The following LRMDA variants were observed in gnomAD, a reference collection of about 807,000 sequenced individuals.
The protein encoded by LRMDA is leucine-rich melanocyte differentiation-associated protein.
In LRMDA, 18 loss-of-function variants were observed where a neutral mutation model predicts 29.8. The observed-to-expected ratio is 0.60, with a 90% CI of 0.42 to 0.90. The LOEUF is 0.90. LRMDA is among the 40% of genes least tolerant of loss of function. The pLI, the probability that LRMDA is intolerant of heterozygous loss-of-function variation, is 0.00. For missense variants in LRMDA, 273 were observed against 273.9 expected (o/e 1.00, Z 0.02); for synonymous variants, 125 against 109.4 (o/e 1.14, Z -0.89).
At chr10:76,397,804 G>A (rs1021588095) in intron 6 of LRMDA, among the ~76,000 whole-genome samples, 8 of 151,932 alleles carry the variant, frequency 5.3e-5, no homozygotes, top group African/African-American at 1.9e-4. Context: ...AAGGGGCATA[G>A]GGAAATGCCT....
Position 76,554,059 on chromosome 10 carries a change from G to A in LRMDA, c.602-3150G>A, listed in dbSNP as rs1038794575. On this transcript the variant is annotated intron_variant, in intron 6 of 6. Transcript: ENST00000611255. ...AAATTCCAAATTTAGATTGACTGAG[G>A]TTATCCTTAGGCCCCTTGACCCCAC... 3.9e-5 allele frequency among the ~76,000 whole-genome samples: 6 copies of A among 152,198 alleles called. 2 individuals are homozygous for A. Among genetic ancestry groups the A allele is most frequent in the Admixed American group, 3.3e-4 (5 of 15,292 alleles).
chr10:75,672,183 A>G (rs1841898790), intron 2 of LRMDA, among the ~76,000 whole-genome samples: 1 of 152,142 alleles, frequency 6.6e-6, no homozygotes, highest in Non-Finnish European at 1.5e-5. Context: ...GTGTAATCTT[A>G]TAATAGGTTA....
chr10:76,114,886 CT>C (rs1269970998), intron 5 of LRMDA, among the ~76,000 whole-genome samples: 3 of 152,208 alleles, frequency 2.0e-5, no homozygotes, highest in Non-Finnish European at 4.4e-5. Context: ...CTTGTCCCCC[CT>C]GAAGCTCAGA....
chr10:75,649,290 C>G (rs1841567984), intron 2 of LRMDA, among the ~76,000 whole-genome samples: 1 of 152,184 alleles, frequency 6.6e-6, no homozygotes, highest in African/African-American at 2.4e-5. Flanking sequence ...GAATTTTCTT[C>G]ATTTTTAAGG....
chr10:75,500,134 A>G (rs771642096), intron 2 of LRMDA, among the ~76,000 whole-genome samples: 4 of 152,072 alleles, frequency 2.6e-5, no homozygotes, highest in Non-Finnish European at 5.9e-5. Flanking sequence ...CTTCTGACTG[A>G]GGTAGGGGGC....
chr10:75,497,272 T>G (rs894577577), intron 2 of LRMDA, among the ~76,000 whole-genome samples: 2 of 152,148 alleles, frequency 1.3e-5, no homozygotes, highest in Non-Finnish European at 2.9e-5. Flanking sequence ...GTTTGAAGGA[T>G]TGTATAGTGG....
chr10:76,407,921 G>C (rs1478710242), intron 6 of LRMDA, among the ~76,000 whole-genome samples: 1 of 152,126 alleles, frequency 6.6e-6, no homozygotes, highest in African/African-American at 2.4e-5. Context: ...GATTATCAGA[G>C]CTGGACCTTG....
In LRMDA at chr10:76,393,440, C is replaced by T. The variant is rs1196002152; in HGVS notation, c.601+68955C>T. ...AATGGTGTTAAACATTTTTTATACA[C>T]CTGTTGATCATTTGTATGTCTTCTT... On this transcript the variant is annotated intron_variant, in intron 6 of 6. Transcript: ENST00000611255. Among the ~76,000 whole-genome samples the T allele has an allele frequency of 2.6e-5, 4 of 152,008 alleles. 1 individual carries two copies. Among genetic ancestry groups the T allele is most frequent in the Admixed American group, 2.0e-4 (3 of 15,258 alleles).
At chr10:75,501,497 G>A (rs1242515280) in intron 2 of LRMDA, among the ~76,000 whole-genome samples, 3 of 152,170 alleles carry the variant, frequency 2.0e-5, no homozygotes, top group Admixed American at 6.6e-5. Flanking sequence ...AAGGCAGGTG[G>A]TGTGGGCCTG....
intron 2 of LRMDA, among the ~76,000 whole-genome samples, chr10:75,576,884 C>T (rs191899178): frequency 1.1e-3 from 166 of 152,298 alleles, no homozygotes; most frequent in African/African-American, 3.9e-3. Context: ...AGCCGAAGGT[C>T]ACCGACTTCA....
intron 2 of LRMDA, among the ~76,000 whole-genome samples, chr10:75,532,672 G>A (rs1845492219): frequency 6.6e-6 from 1 of 151,976 alleles, no homozygotes; most frequent in Non-Finnish European, 1.5e-5. Context: ...TCTCAGTATG[G>A]TTGAGACACA....
chr10:75,862,477 G>C (rs1419415533), intron 2 of LRMDA, among the ~76,000 whole-genome samples: 3 of 152,150 alleles, frequency 2.0e-5, no homozygotes, highest in Admixed American at 1.3e-4. Flanking sequence ...GAGGGGAGGT[G>C]ACTGAGAAAG....
At chr10:75,432,314 C>T (rs1844209160) in intron 1 of LRMDA, among the ~76,000 whole-genome samples, 1 of 152,194 alleles carries the variant, frequency 6.6e-6, no homozygotes, top group South Asian at 2.1e-4. Flanking sequence ...TACGCCATAG[C>T]CAAAGGCTGA....
At chr10:75,941,753 G>A (rs190622759) in intron 2 of LRMDA, among the ~76,000 whole-genome samples, 69 of 152,214 alleles carry the variant, frequency 4.5e-4, no homozygotes, top group Non-Finnish European at 8.1e-4. Context: ...TAAAGATTGG[G>A]GACTGATGAC....
At chr10:76,278,407 C>CA (rs1840162285) in intron 5 of LRMDA, among the ~76,000 whole-genome samples, 1 of 152,108 alleles carries the variant, frequency 6.6e-6, no homozygotes, top group African/African-American at 2.4e-5. Context: ...ATAAAGTGCT[C>CA]AACGCATGTA....
At chr10:75,799,718 G>GTGT (rs1268693930) in intron 2 of LRMDA, among the ~76,000 whole-genome samples, 1 of 145,866 alleles carries the variant, frequency 6.9e-6, no homozygotes, top group Non-Finnish European at 1.5e-5. Context: ...GTGTGTGTGT[G>GTGT]TGTGTTTAGT....
chr10:76,407,575 C>T (rs146816610), intron 6 of LRMDA, among the ~76,000 whole-genome samples: 6 of 152,180 alleles, frequency 3.9e-5, no homozygotes, highest in African/African-American at 1.4e-4. Context: ...CTCACAACAA[C>T]CCTGTAAAAT....
chr10:75,762,513 G>A (rs757500983), intron 2 of LRMDA, among the ~76,000 whole-genome samples: 1 of 152,216 alleles, frequency 6.6e-6, no homozygotes, highest in African/African-American at 2.4e-5. Flanking sequence ...TGAGCAGAAT[G>A]TTGACACAAG....
chr10:75,866,555 G>A (rs752054327), intron 2 of LRMDA, among the ~76,000 whole-genome samples: 1 of 152,210 alleles, frequency 6.6e-6, no homozygotes, highest in Non-Finnish European at 1.5e-5. Flanking sequence ...CATGAGAAGC[G>A]AAGGGGTTCT....
Sources: allele counts gnomAD v4.1 joint callset (sites outside exome capture counted in the v4.1 genomes callset), GRCh38; gene constraint gnomAD v4.1.1; transcripts MANE v1.5; gene names NCBI Gene and HGNC (gene_info 2026-07-23, HGNC 2026-07-21).